ABR: variants seen among roughly 807,000 people sequenced by gnomAD.
ABR encodes the protein ABR activator of RhoGEF and GTPase, also known as active breakpoint cluster region-related protein.
A neutral mutation model predicts 107.2 loss-of-function variants in ABR; 35 were observed. That is an observed-to-expected ratio of 0.33 (90% confidence interval 0.25 to 0.43). The LOEUF is 0.43. ABR is among the 20% of genes least tolerant of loss of function. ABR has a pLI of 1.00. For synonymous variants in ABR, 498 were observed against 462.0 expected (o/e 1.08, Z -1.00); for missense variants, 815 against 1,115.2 (o/e 0.73, Z 3.83).
intron 2 of ABR, chr17:1,109,130 GGGAGGAGGGA>G: frequency 6.6e-7 from 1 of 1,523,642 alleles, no homozygotes; most frequent in Non-Finnish European, 8.8e-7. Flanking sequence ...GGCGGGAGGA[GGGAGGAGGGA>G]GGAGGCGGGC....
chr17:1,057,793 C>T, intron 12 of ABR, 177 bp downstream of exon 12: 1 of 592,920 alleles, frequency 1.7e-6, no homozygotes, highest in East Asian at 2.9e-5. Flanking sequence ...TTCAGCCAAT[C>T]AGTTAGATTC....
chr17:1,057,862 G>A, intron 12 of ABR, 108 bp downstream of exon 12: 2 of 983,544 alleles, frequency 2.0e-6, no homozygotes, highest in Non-Finnish European at 3.3e-6. Flanking sequence ...CTCTGAGGGT[G>A]ACTGCGAGGG....
At chr17:1,102,210 T>C (rs1331917348) in intron 2 of ABR, among the ~76,000 whole-genome samples, 4 of 152,102 alleles carry the variant, frequency 2.6e-5, no homozygotes, top group Admixed American at 6.5e-5. Context: ...CTCCTCATCT[T>C]CAAAGGTCTC....
At chr17:1,198,090 A>C (rs2042603750) in intron 1 of ABR, among the ~76,000 whole-genome samples, 1 of 151,468 alleles carries the variant, frequency 6.6e-6, no homozygotes, top group Admixed American at 6.6e-5. Context: ...TGCAAAAGAG[A>C]CTGTATCTGC....
intron 16 of ABR, chr17:1,031,910 T>A (rs1369718959): frequency 3.4e-6 from 2 of 584,430 alleles, no homozygotes; most frequent in Non-Finnish European, 4.3e-6. Context: ...GCGTCCCTCC[T>A]CCCTCCTCCC....
chr17:1,180,229 C>T (rs941345300), upstream of ABR, among the ~76,000 whole-genome samples: 1 of 152,076 alleles, frequency 6.6e-6, no homozygotes, highest in African/African-American at 2.4e-5. Context: ...CCCCCCCGCG[C>T]CGGGCTCAGC....
At position 1,145,931 on chromosome 17, in the gene ABR, G is replaced by A. The variant is rs558385371; in HGVS notation, c.62-20564C>T. Among the ~76,000 whole-genome samples the A allele has an allele frequency of 2.0e-3, 298 of 152,320 alleles. 1 individual carries two copies. The highest frequency in any genetic ancestry group is 6.8e-3 in the African/African-American group (281 of 41,566). On this transcript the variant is annotated intron_variant, in intron 1 of 22. Transcript: ENST00000302538. Reference sequence around the variant, plus strand: ...TGGGTGGCCACGTTCACTGGCCTTCGGCTCAAAATGCTGGCTCTCCACCCA... The same window carrying A: ...TGGGTGGCCACGTTCACTGGCCTTCAGCTCAAAATGCTGGCTCTCCACCCA...
chr17:1,213,701 G>T (rs2042947395), intron 1 of ABR, among the ~76,000 whole-genome samples: 1 of 150,372 alleles, frequency 6.7e-6, no homozygotes, highest in Admixed American at 6.6e-5. Flanking sequence ...AAAGGTTACG[G>T]TCTTAACTCC....
intron 1 of ABR, among the ~76,000 whole-genome samples, chr17:1,207,858 C>T (rs1427688312): frequency 6.6e-6 from 1 of 151,698 alleles, no homozygotes; most frequent in African/African-American, 2.4e-5. Context: ...CAACCTCCGC[C>T]TCCCGGGTTC....
intron 1 of ABR, among the ~76,000 whole-genome samples, chr17:1,138,591 C>T (rs1042832327): frequency 6.6e-6 from 1 of 152,150 alleles, no homozygotes; most frequent in Admixed American, 6.5e-5. Context: ...GATCCCCCTG[C>T]CTCAGCCTCC....
At chr17:1,138,844 C>T (rs1039105496) in intron 1 of ABR, among the ~76,000 whole-genome samples, 1 of 152,010 alleles carries the variant, frequency 6.6e-6, no homozygotes, top group African/African-American at 2.4e-5. Context: ...CCGGAGAGAC[C>T]GATATGGAGA....
At chr17:1,117,808 T>C (rs2039094289) in intron 2 of ABR, among the ~76,000 whole-genome samples, 1 of 78,024 alleles carries the variant, frequency 1.3e-5, no homozygotes, top group Admixed American at 1.4e-4. Flanking sequence ...TCCCTGAGCC[T>C]GAGTCCTCCC....
rs745997464 is a variant in ABR at position 1,179,734 on chromosome 17, G to T, written c.-7C>A. The T allele has an allele frequency of 2.8e-5, 43 of 1,528,436 alleles. No homozygotes were observed. The East Asian group carries it at 7.3e-4, about 26-fold the overall frequency. 94.7% of individuals were successfully genotyped at this position (1,528,436 alleles called of 1,614,324 possible). On this transcript the variant is annotated 5_prime_UTR_variant, in exon 1 of 23. Transcript: ENST00000302538. The surrounding 1 kb of genome is among the most constrained non-coding windows in gnomAD (Gnocchi z 4.9). ...GGTGGCTGAGCGGCTCCATCCCGCG[G>T]CGGCGGCTCGGTCAGATCCGAAACC...
Position 1,058,687 on chromosome 17 carries a change from G to A in ABR, c.1305+58C>T, listed in dbSNP as rs1172039505. ...ACAGGTCAGGGCCAGGAGCCACAGA[G>A]TGGGCTGCTCTGGACTAAGGAAGGG... is the stretch of plus-strand genomic sequence containing the variant. On this transcript the variant is annotated intron_variant, in intron 11 of 22. Coordinates refer to ENST00000302538, the MANE Select transcript of ABR (RefSeq NM_021962.5). 3.1e-6 allele frequency: 5 copies of A among 1,587,852 alleles called. No individual in the cohort carries two copies. The East Asian group carries it at 6.8e-5, about 21-fold the overall frequency.
chr17:1,152,456 T>C (rs2040838821), intron 1 of ABR, among the ~76,000 whole-genome samples: 1 of 151,266 alleles, frequency 6.6e-6, no homozygotes. Flanking sequence ...CCGGGCGTGG[T>C]GGTGCGTGCC....
intron 1 of ABR, among the ~76,000 whole-genome samples, chr17:1,173,288 A>C (rs1344128612): frequency 6.7e-4 from 33 of 48,958 alleles, no homozygotes; most frequent in Middle Eastern, 0.012. Flanking sequence ...CAGCCCACCC[A>C]ACACATCACC....
intron 16 of ABR, among the ~76,000 whole-genome samples, chr17:1,045,774 C>T (rs763340072): frequency 3.3e-5 from 5 of 152,222 alleles, no homozygotes; most frequent in Admixed American, 6.5e-5. Flanking sequence ...CCAATATACT[C>T]GTCTTTCCAA....
intron 16 of ABR, among the ~76,000 whole-genome samples, chr17:1,048,163 C>G (rs2031915555): frequency 6.6e-6 from 1 of 152,240 alleles, no homozygotes; most frequent in Non-Finnish European, 1.5e-5. Context: ...ATCTCTAGAG[C>G]CCATTTCCTA....
intron 16 of ABR, among the ~76,000 whole-genome samples, chr17:1,043,020 G>A (rs184558486): frequency 4.6e-5 from 7 of 152,304 alleles, no homozygotes; most frequent in African/African-American, 1.4e-4. Flanking sequence ...GCAGGCAGGT[G>A]GTTACTGGAG....
Sources: gnomAD v4.1 joint callset for allele counts (sites outside exome capture counted in the v4.1 genomes callset) on GRCh38, gnomAD v4.1.1 for gene constraint, Gnocchi (gnomAD v3.1) non-coding constraint, MANE v1.5 for transcripts, NCBI Gene and HGNC (gene_info 2026-07-23, HGNC 2026-07-21) for gene names.